TNR: variants seen among roughly 807,000 people sequenced by gnomAD.
The protein encoded by TNR is tenascin R, also known as tenascin-R.
TNR carries 45 observed loss-of-function variants against 150.4 expected under a neutral mutation model. The ratio of observed to expected loss-of-function variants is 0.30; its 90% CI spans 0.24 to 0.38. TNR has a LOEUF of 0.38. Among genes scored for constraint, TNR ranks in the 10% least tolerant of loss-of-function variants. The probability of loss-of-function intolerance (pLI) is 1.00; values close to 1 mark genes in which losing one functional copy is unlikely to be tolerated. For synonymous variants in TNR, 687 were observed against 678.4 expected, an observed-to-expected ratio of 1.01 and a Z score of -0.20; for missense variants, 1,544 against 1,759.1, an observed-to-expected ratio of 0.88 and a Z score of 2.19.
At chr1:175,535,443 A>G (rs1213511890) in intron 1 of TNR, among the ~76,000 whole-genome samples, 1 of 121,176 alleles carries the variant, frequency 8.3e-6, no homozygotes, top group Non-Finnish European at 1.8e-5. Context: ...TTATTTATTT[A>G]TTTTTTGTTG....
intron 1 of TNR, among the ~76,000 whole-genome samples, chr1:175,630,524 T>G (rs1461870835): frequency 6.6e-6 from 1 of 152,124 alleles, no homozygotes; most frequent in South Asian, 2.1e-4. Context: ...TCTGCAAGGG[T>G]TCAGGATGTG....
chr1:175,386,189 C>G lies in TNR; in HGVS notation c.1620G>C (p.Leu540=), dbSNP rs769884321. 6.2e-7 allele frequency: 1 copy of G among 1,612,484 alleles called. No individual in the cohort carries two copies. Among genetic ancestry groups the G allele is most frequent in the Non-Finnish European group, 8.5e-7 (1 of 1,178,694 alleles). ...TGGTCCTCCCACCTTCCCCGCCCAC[C>G]AGGCCATATTTCAAAAGAATGAAAT... is the stretch of plus-strand genomic sequence containing the variant. ...KVDFILLKYG[L]VGGEGGRTTF... Residue 540 remains leucine, a synonymous_variant, in exon 8 of 23, where the codon CTG becomes CTC. Transcript: ENST00000367674.
rs752542542 is a variant in TNR, at chr1:175,379,594, C to T, written c.1921G>A (p.Val641Ile). The change falls in exon 9 of 23, where the codon GTC (valine) becomes ATC (isoleucine). Residue 641 changes from valine to isoleucine, a missense_variant. By Grantham distance (29) the Val-to-Ile change is conservative. Around this residue, in one of 2 missense-constraint regions of TNR, gnomAD observed 1,254 missense variants for 1,329.4 expected, o/e 0.94. Transcript: ENST00000367674. Reference sequence around the variant, plus strand: ...GTGGTTGGACCAATGCCCCTGGGGACCAGTACCTCATGATATTGCTCACCC... The same window carrying T: ...GTGGTTGGACCAATGCCCCTGGGGATCAGTACCTCATGATATTGCTCACCC... Reference protein sequence around the residue: ...LAGEQYHEVLVPRGIGPTTRA... With the variant: ...LAGEQYHEVLIPRGIGPTTRA... 7 of 1,613,962 alleles carry T rather than the reference C, an allele frequency of 4.3e-6. No homozygotes were observed. The highest frequency in any genetic ancestry group is 5.1e-6 in the Non-Finnish European group (6 of 1,180,008).
chr1:175,721,576 C>A (rs1468998570), intron 1 of TNR, among the ~76,000 whole-genome samples: 2 of 152,138 alleles, frequency 1.3e-5, no homozygotes, highest in Non-Finnish European at 2.9e-5. Context: ...ATGCCGTGGG[C>A]TTCTCTTCAT....
chr1:175,536,364 G>A (rs1015882540), intron 1 of TNR, among the ~76,000 whole-genome samples: 3 of 152,174 alleles, frequency 2.0e-5, no homozygotes, highest in African/African-American at 7.2e-5. Context: ...TGGCATCTGT[G>A]GACATTGCCA....
intron 1 of TNR, among the ~76,000 whole-genome samples, chr1:175,607,598 A>G (rs186380953): frequency 3.8e-4 from 58 of 152,308 alleles, no homozygotes; most frequent in East Asian, 3.9e-4. Flanking sequence ...CATACTCCTC[A>G]TCTGATGAAT....
chr1:175,458,201 C>T (rs1376884690), intron 2 of TNR, among the ~76,000 whole-genome samples: 1 of 152,106 alleles, frequency 6.6e-6, no homozygotes, highest in Non-Finnish European at 1.5e-5. Flanking sequence ...AACTAAATTC[C>T]CTCTTTCTTG....
intron 1 of TNR, among the ~76,000 whole-genome samples, chr1:175,645,905 T>C (rs1409072335): frequency 3.9e-5 from 6 of 152,154 alleles, no homozygotes; most frequent in Non-Finnish European, 8.8e-5. Context: ...GCTTTAGATA[T>C]AAGCCCTGCA....
At chr1:175,350,093 G>A (rs1182101189) in intron 18 of TNR, among the ~76,000 whole-genome samples, 1 of 152,186 alleles carries the variant, frequency 6.6e-6, no homozygotes, top group East Asian at 1.9e-4. Context: ...TCCAGAGTGT[G>A]GTGTTTGCCA....
At chr1:175,354,044 TCATGTTGG>T (rs1234038785) in intron 18 of TNR, among the ~76,000 whole-genome samples, 2 of 152,022 alleles carry the variant, frequency 1.3e-5, no homozygotes, top group Admixed American at 1.3e-4. Flanking sequence ...CAGGGTTTTA[TCATGTTGG>T]ACAGGCTGGT....
chr1:175,441,277 G>T (rs932714194), intron 2 of TNR, among the ~76,000 whole-genome samples: 1 of 152,096 alleles, frequency 6.6e-6, no homozygotes, highest in Non-Finnish European at 1.5e-5. Context: ...CTCTAGTTTT[G>T]ATCTGTTTTA....
At chr1:175,472,305 A>G (rs751766193) in intron 2 of TNR, among the ~76,000 whole-genome samples, 7 of 152,240 alleles carry the variant, frequency 4.6e-5, no homozygotes, top group Non-Finnish European at 1.0e-4. Context: ...AATGCCTTCT[A>G]GAATCCTCCT....
intron 2 of TNR, among the ~76,000 whole-genome samples, chr1:175,426,767 T>TAA (rs1654986791): frequency 1.1e-5 from 1 of 89,196 alleles, no homozygotes. Context: ...CGTGTGTGTG[T>TAA]ATAAATATAT....
At chr1:175,436,707 C>T (rs1015995265) in intron 2 of TNR, among the ~76,000 whole-genome samples, 1 of 151,578 alleles carries the variant, frequency 6.6e-6, no homozygotes, top group Admixed American at 6.6e-5. Context: ...AATGGAAAAC[C>T]AAAAAAAGGC....
At chr1:175,732,511 G>T (rs1320415141) in intron 1 of TNR, among the ~76,000 whole-genome samples, 2 of 152,228 alleles carry the variant, frequency 1.3e-5, no homozygotes, top group African/African-American at 2.4e-5. Flanking sequence ...CCCAAGGAAG[G>T]GGGTAGGACT....
chr1:175,460,975 A>G (rs1379258770), intron 2 of TNR, among the ~76,000 whole-genome samples: 2 of 152,148 alleles, frequency 1.3e-5, no homozygotes, highest in African/African-American at 4.8e-5. Flanking sequence ...GTGTGCACAC[A>G]TACACACATG....
At chr1:175,526,151 T>G (rs554666943) in intron 2 of TNR, among the ~76,000 whole-genome samples, 1 of 152,236 alleles carries the variant, frequency 6.6e-6, no homozygotes, top group East Asian at 1.9e-4. Flanking sequence ...CCCATAAGAG[T>G]TACAGAGGGT....
At chr1:175,448,217 C>T (rs957576373) in intron 2 of TNR, among the ~76,000 whole-genome samples, 2 of 151,562 alleles carry the variant, frequency 1.3e-5, no homozygotes, top group African/African-American at 4.9e-5. Flanking sequence ...AGGGATTTTA[C>T]TTTTATTTTT....
At chr1:175,435,272 A>G (rs1655451982) in intron 2 of TNR, among the ~76,000 whole-genome samples, 1 of 152,234 alleles carries the variant, frequency 6.6e-6, no homozygotes, top group Non-Finnish European at 1.5e-5. Flanking sequence ...TGTCATGGTC[A>G]GATTCTAGAT....
Sources: gnomAD v4.1 joint callset for allele counts (sites outside exome capture counted in the v4.1 genomes callset) on GRCh38, gnomAD v4.1.1 for gene constraint, gnomAD v4.1.1 regional missense constraint, MANE v1.5 for transcripts, NCBI Gene and HGNC (gene_info 2026-07-23, HGNC 2026-07-21) for gene names.